DLEU7: variants seen among roughly 807,000 people sequenced by gnomAD.
DLEU7 encodes the protein leukemia-associated protein 7.
In DLEU7, 17 loss-of-function variants were observed where a neutral mutation model predicts 16.0. The ratio of observed to expected loss-of-function variants is 1.06; its 90% CI spans 0.73 to 1.59. The LOEUF (loss-of-function observed/expected upper bound fraction) is 1.59, where lower values mean the gene tolerates loss of function less well. Among genes scored for constraint, DLEU7 ranks in the 40% most tolerant of loss-of-function variants. The probability of loss-of-function intolerance (pLI) is 0.00; values close to 1 mark genes in which losing one functional copy is unlikely to be tolerated. For missense variants in DLEU7, 308 were observed against 314.9 expected (o/e 0.98, Z 0.17); for synonymous variants, 113 against 139.8 (o/e 0.81, Z 1.35).
intron 1 of DLEU7, among the ~76,000 whole-genome samples, chr13:50,824,870 A>G (rs927630540): frequency 6.6e-6 from 1 of 152,258 alleles, no homozygotes; most frequent in African/African-American, 2.4e-5. Context: ...TGAAATTTAA[A>G]ATACAATCTA....
chr13:50,776,234 T>G (rs1044733303), intron 1 of DLEU7, among the ~76,000 whole-genome samples: 1 of 152,212 alleles, frequency 6.6e-6, no homozygotes, highest in Non-Finnish European at 1.5e-5. Context: ...TTGACTCAGT[T>G]TTGGATTTTG....
intron 1 of DLEU7, among the ~76,000 whole-genome samples, chr13:50,792,286 GAATCT>G (rs1367415524): frequency 2.0e-5 from 3 of 152,112 alleles, no homozygotes; most frequent in Non-Finnish European, 4.4e-5. Flanking sequence ...AATAATTCAA[GAATCT>G]ACCCATTACT....
intron 1 of DLEU7, among the ~76,000 whole-genome samples, chr13:50,835,453 CTATT>C (rs1877424137): frequency 1.3e-5 from 2 of 152,224 alleles, no homozygotes; most frequent in South Asian, 4.1e-4. Flanking sequence ...CATCTTCACA[CTATT>C]TTTCTTAAGG....
At chr13:50,827,510 C>T (rs548181629) in intron 1 of DLEU7, among the ~76,000 whole-genome samples, 4 of 146,048 alleles carry the variant, frequency 2.7e-5, no homozygotes, top group South Asian at 4.3e-4. Context: ...AAAACCCTGT[C>T]TCTAAAAAAA....
chr13:50,840,506 G>A (rs1877615974), intron 1 of DLEU7, among the ~76,000 whole-genome samples: 1 of 152,188 alleles, frequency 6.6e-6, no homozygotes, highest in South Asian at 2.1e-4. Flanking sequence ...GTTCCCAGGG[G>A]CCCTAAAACT....
At chr13:50,781,926 T>C (rs1324739683) in intron 1 of DLEU7, among the ~76,000 whole-genome samples, 1 of 152,216 alleles carries the variant, frequency 6.6e-6, no homozygotes, top group African/African-American at 2.4e-5. Flanking sequence ...CCACTACACT[T>C]TTAGGCTCTG....
intron 1 of DLEU7, among the ~76,000 whole-genome samples, chr13:50,750,328 G>T (rs568897441): frequency 3.3e-5 from 5 of 152,194 alleles, no homozygotes; most frequent in African/African-American, 1.2e-4. Flanking sequence ...TGCTGTTTTG[G>T]TGACTATAGC....
intron 1 of DLEU7, among the ~76,000 whole-genome samples, chr13:50,739,868 C>A (rs1314601365): frequency 2.6e-5 from 4 of 152,160 alleles, no homozygotes; most frequent in African/African-American, 9.7e-5. Context: ...TGACACTAGA[C>A]TCCCTGTTGG....
intron 1 of DLEU7, among the ~76,000 whole-genome samples, chr13:50,745,005 T>C (rs1328137773): frequency 6.6e-6 from 1 of 152,150 alleles, no homozygotes; most frequent in East Asian, 1.9e-4. Flanking sequence ...GAAAACAATG[T>C]GGTGGTTCCT....
At chr13:50,734,329 A>G (rs1453776055) in intron 1 of DLEU7, among the ~76,000 whole-genome samples, 1 of 152,242 alleles carries the variant, frequency 6.6e-6, no homozygotes, top group Non-Finnish European at 1.5e-5. Context: ...TTGAAGTTCC[A>G]GAAAATGTTC....
chr13:50,780,388 G>T (rs1875619813), intron 1 of DLEU7, among the ~76,000 whole-genome samples: 1 of 152,212 alleles, frequency 6.6e-6, no homozygotes, highest in Non-Finnish European at 1.5e-5. Flanking sequence ...CGAATGTGAA[G>T]GGTCATTTTG....
chr13:50,829,051 A>G (rs1877178921), intron 1 of DLEU7, among the ~76,000 whole-genome samples: 1 of 151,566 alleles, frequency 6.6e-6, no homozygotes, highest in Non-Finnish European at 1.5e-5. Context: ...AAATTTTCTT[A>G]AAACACTGTA....
rs544643567 is a variant in DLEU7, at chr13:50,732,555, C to T, written c.460-19315G>A. Among the ~76,000 whole-genome samples the T allele has an allele frequency of 1.2e-4, 16 of 133,848 alleles. No individual in the cohort carries two copies. The South Asian group carries it at 1.4e-3, about 11-fold the overall frequency. The allele number at this position is 133,848 out of a possible 152,430, so 87.8% of individuals were successfully genotyped here. ...CCAGGAGGTGGAGGTTGCAGTGAGC[C>T]GAGATCGAGCCACTGCACTCCAGCC... On this transcript the variant is annotated intron_variant, in intron 1 of 1. Coordinates refer to the DLEU7 transcript ENST00000400393.
At chr13:50,823,831 G>A (rs965700689) in intron 1 of DLEU7, among the ~76,000 whole-genome samples, 2 of 152,118 alleles carry the variant, frequency 1.3e-5, no homozygotes, top group African/African-American at 2.4e-5. Context: ...CTTTAACTGA[G>A]GCTATTGGAA....
chr13:50,729,442 C>A (rs1873858248), intron 1 of DLEU7, among the ~76,000 whole-genome samples: 1 of 152,062 alleles, frequency 6.6e-6, no homozygotes, highest in Non-Finnish European at 1.5e-5. Context: ...TTGATGGGCA[C>A]CTAGGGTGAC....
At chr13:50,715,821 C>T (rs982356339) in intron 1 of DLEU7, among the ~76,000 whole-genome samples, 1 of 152,250 alleles carries the variant, frequency 6.6e-6, no homozygotes, top group African/African-American at 2.4e-5. Context: ...TGCCTTTCCT[C>T]CCTACTGCTG....
chr13:50,815,118 TCTCC>T (rs1876691755), intron 1 of DLEU7, among the ~76,000 whole-genome samples: 1 of 152,078 alleles, frequency 6.6e-6, no homozygotes, highest in East Asian at 1.9e-4. Flanking sequence ...TTGCTAAGAG[TCTCC>T]CTCTTTTTCC....
At chr13:50,759,158 C>A (rs959205458) in intron 1 of DLEU7, among the ~76,000 whole-genome samples, 1 of 152,208 alleles carries the variant, frequency 6.6e-6, no homozygotes, top group African/African-American at 2.4e-5. Context: ...ATCTTTGTAA[C>A]CTCCTTTTCC....
intron 1 of DLEU7, among the ~76,000 whole-genome samples, chr13:50,737,804 G>A (rs546399963): frequency 6.6e-6 from 1 of 152,192 alleles, no homozygotes; most frequent in South Asian, 2.1e-4. Context: ...AAAGGAAAAT[G>A]TCTCTCTTCC....
Sources: gnomAD v4.1 joint callset for allele counts (sites outside exome capture counted in the v4.1 genomes callset) on GRCh38, gnomAD v4.1.1 for gene constraint, MANE v1.5 for transcripts, NCBI Gene and HGNC (gene_info 2026-07-23, HGNC 2026-07-21) for gene names.